NRG1: variants seen among roughly 807,000 people sequenced by gnomAD.
The protein encoded by NRG1 is neuregulin 1.
In NRG1, 18 loss-of-function variants were observed where a neutral mutation model predicts 63.8. That is an observed-to-expected ratio of 0.28 (90% CI 0.19 to 0.42). NRG1 has a LOEUF of 0.42. NRG1 is among the 10% of genes least tolerant of loss of function. The pLI is 1.00. For missense variants in NRG1, 762 were observed against 814.7 expected (o/e 0.94, Z 0.79); for synonymous variants, 302 against 301.3 (o/e 1.00, Z -0.02).
At position 32,233,559 on chromosome 8, in the gene NRG1, ATATATTTT is replaced by A. The variant is rs1395185627; in HGVS notation, c.38-362267_38-362260del. 2.0e-3 allele frequency among the ~76,000 whole-genome samples: 138 copies of A among 67,458 alleles called. 1 individual carries two copies. The highest frequency in any genetic ancestry group is 8.5e-3 in the Middle Eastern group (1 of 118). The allele number at this position is 67,458 out of a possible 152,430, so 44.3% of individuals were successfully genotyped here. ...AGAATATATATATATATATATATAT[ATATATTTT>A]TTTTTTTTTTTCTTTTGAAACGGTG... On this transcript the variant is annotated intron_variant, in intron 1 of 10. Coordinates refer to the NRG1 transcript ENST00000519301.
chr8:31,985,429 A>G (rs1324971616), intron 1 of NRG1, among the ~76,000 whole-genome samples: 1 of 152,118 alleles, frequency 6.6e-6, no homozygotes, highest in Admixed American at 6.6e-5. Flanking sequence ...ACCTCTAAAA[A>G]TTAATGTAAA....
chr8:31,990,265 G>T (rs1021719459), intron 1 of NRG1, among the ~76,000 whole-genome samples: 1 of 152,078 alleles, frequency 6.6e-6, no homozygotes, highest in Non-Finnish European at 1.5e-5. Flanking sequence ...GTTTCAACAA[G>T]CTAAGTTGCA....
chr8:31,713,468 C>T (rs575659524), intron 1 of NRG1, among the ~76,000 whole-genome samples: 7 of 152,084 alleles, frequency 4.6e-5, no homozygotes, highest in African/African-American at 1.4e-4. Context: ...GTATATTCTA[C>T]TGTTATTGTA....
At chr8:32,352,079 T>C (rs978541144) in intron 1 of NRG1, among the ~76,000 whole-genome samples, 5 of 151,944 alleles carry the variant, frequency 3.3e-5, no homozygotes, top group African/African-American at 1.2e-4. Context: ...TAAATCTGGT[T>C]GGCAGTGGAC....
At chr8:32,184,488 G>C (rs1162307251) in intron 1 of NRG1, among the ~76,000 whole-genome samples, 1 of 151,844 alleles carries the variant, frequency 6.6e-6, no homozygotes, top group East Asian at 1.9e-4. Flanking sequence ...TGATAGGAGA[G>C]TTTTTGTTAC....
intron 1 of NRG1, among the ~76,000 whole-genome samples, chr8:32,066,124 C>A (rs2130965032): frequency 6.6e-6 from 1 of 152,316 alleles, no homozygotes; most frequent in East Asian, 1.9e-4. Context: ...AATTTTCTCC[C>A]ATTCTGTAGG....
chr8:32,440,527 TA>T (rs1320667793), intron 1 of NRG1, among the ~76,000 whole-genome samples: 1 of 152,268 alleles, frequency 6.6e-6, no homozygotes, highest in South Asian at 2.1e-4. Context: ...ATCATATTTT[TA>T]AAACAGTCAT....
At chr8:31,665,298 A>G (rs1806414817) in intron 1 of NRG1, among the ~76,000 whole-genome samples, 1 of 152,224 alleles carries the variant, frequency 6.6e-6, no homozygotes, top group South Asian at 2.1e-4. Flanking sequence ...TCTGGCTCCA[A>G]ACCCATCCTA....
At chr8:32,297,759 G>A (rs117392834) in intron 1 of NRG1, among the ~76,000 whole-genome samples, 3,096 of 152,308 alleles carry the variant, frequency 0.02, 35 homozygotes, top group Non-Finnish European at 0.032. Context: ...ATGGGTAGTG[G>A]AAGAGAGCAT....
chr8:31,773,449 A>G (rs1314773251), intron 1 of NRG1, among the ~76,000 whole-genome samples: 2 of 152,222 alleles, frequency 1.3e-5, no homozygotes, highest in Non-Finnish European at 2.9e-5. Flanking sequence ...AAAACTGTCA[A>G]AATATGTCAT....
intron 1 of NRG1, among the ~76,000 whole-genome samples, chr8:32,527,049 A>G (rs775377186): frequency 4.6e-5 from 7 of 152,196 alleles, no homozygotes; most frequent in Non-Finnish European, 8.8e-5. Flanking sequence ...CCCAATTGGC[A>G]TCTGTACTTG....
rs573735761 is a variant in NRG1 at position 32,079,421 on chromosome 8, C to T, written c.37+439990C>T. On this transcript the variant is annotated intron_variant, in intron 1 of 10. Coordinates refer to the NRG1 transcript ENST00000519301. Reference sequence around the variant, plus strand: ...ACTCCTATTCATTTTCACAGCAACCCTCTGAAGTAAATGGTATTATCCCAA... The same window carrying T: ...ACTCCTATTCATTTTCACAGCAACCTTCTGAAGTAAATGGTATTATCCCAA... 5.6e-4 allele frequency among the ~76,000 whole-genome samples: 85 copies of T among 152,256 alleles called. 1 individual carries two copies. Among genetic ancestry groups the T allele is most frequent in the African/African-American group, 1.9e-3 (78 of 41,550 alleles).
chr8:31,846,591 C>T (rs951904556), intron 1 of NRG1, among the ~76,000 whole-genome samples: 2 of 152,098 alleles, frequency 1.3e-5, no homozygotes, highest in Non-Finnish European at 2.9e-5. Flanking sequence ...TGTAAGTGCT[C>T]ACAGGATAAT....
At chr8:31,856,190 T>G (rs1457497113) in intron 1 of NRG1, among the ~76,000 whole-genome samples, 1 of 152,222 alleles carries the variant, frequency 6.6e-6, no homozygotes, top group Non-Finnish European at 1.5e-5. Context: ...TTCTCCTGGA[T>G]AATATCCTGC....
In NRG1 at chr8:31,653,449, G is replaced by C. The variant is rs1367478987; in HGVS notation, c.37+14018G>C. 2.6e-5 allele frequency among the ~76,000 whole-genome samples: 4 copies of C among 152,260 alleles called. No individual in the cohort carries two copies. The East Asian group carries it at 7.8e-4, about 30-fold the overall frequency. On this transcript the variant is annotated intron_variant, in intron 1 of 10. Transcript: ENST00000519301. The stretch of plus-strand genomic sequence containing the variant: ...GATGTTCTGGTCCTGACTTTCCCCT[G>C]AATAAAATCTGCACTAACTAACACC...
intron 1 of NRG1, among the ~76,000 whole-genome samples, chr8:32,367,394 C>T (rs1023792683): frequency 4.7e-5 from 7 of 148,696 alleles, no homozygotes; most frequent in East Asian, 2.0e-4. Context: ...CCTGATGATT[C>T]GTGGTGTTGA....
intron 1 of NRG1, among the ~76,000 whole-genome samples, chr8:31,869,446 T>C (rs1477348414): frequency 6.6e-6 from 1 of 152,216 alleles, no homozygotes; most frequent in Non-Finnish European, 1.5e-5. Context: ...CCCACTAGCA[T>C]GCCACTCTGT....
At chr8:31,800,190 C>CA (rs1563416706) in intron 1 of NRG1, among the ~76,000 whole-genome samples, 1 of 151,878 alleles carries the variant, frequency 6.6e-6, no homozygotes, top group African/African-American at 2.4e-5. Context: ...ATGATCATAA[C>CA]AAAAAAAGCA....
At chr8:32,283,910 G>A (rs1305702081) in intron 1 of NRG1, among the ~76,000 whole-genome samples, 1 of 152,118 alleles carries the variant, frequency 6.6e-6, no homozygotes, top group Non-Finnish European at 1.5e-5. Context: ...CAGAATATCT[G>A]TGTCTTGTCT....
Sources: gnomAD v4.1 joint callset for allele counts (sites outside exome capture counted in the v4.1 genomes callset) on GRCh38, gnomAD v4.1.1 for gene constraint, MANE v1.5 for transcripts, NCBI Gene and HGNC (gene_info 2026-07-23, HGNC 2026-07-21) for gene names.